RGSL1: variants seen among roughly 807,000 people sequenced by gnomAD.
RGSL1 encodes the protein regulator of G protein signaling protein-like.
Under a neutral mutation model 124.7 loss-of-function variants are expected in RGSL1, and 97 were observed. The ratio of observed to expected loss-of-function variants is 0.78; its 90% CI spans 0.66 to 0.92. RGSL1 has a LOEUF of 0.92. RGSL1 is among the 40% of genes least tolerant of loss of function. The pLI, the probability that RGSL1 is intolerant of heterozygous loss-of-function variation, is 0.00. For synonymous variants in RGSL1, 424 were observed against 438.1 expected (o/e 0.97, Z 0.40); for missense variants, 1,233 against 1,288.4 (o/e 0.96, Z 0.66).
chr1:182,497,851 A>G (rs1219642978), intron 9 of RGSL1, among the ~76,000 whole-genome samples: 3 of 152,134 alleles, frequency 2.0e-5, no homozygotes, highest in African/African-American at 7.2e-5. Flanking sequence ...CACTGCAGCA[A>G]GTGGTGCACG....
intron 9 of RGSL1, among the ~76,000 whole-genome samples, chr1:182,504,200 C>T (rs577110882): frequency 1.1e-4 from 17 of 152,048 alleles, no homozygotes; most frequent in East Asian, 3.9e-4. Flanking sequence ...AGACTGGTCT[C>T]GAACTCCTGA....
chr1:182,466,865 T>G (rs1234290327), intron 4 of RGSL1, among the ~76,000 whole-genome samples: 3 of 152,260 alleles, frequency 2.0e-5, no homozygotes, highest in African/African-American at 7.2e-5. Flanking sequence ...CATAACAATT[T>G]TGAAAAAATT....
chr1:182,505,375 T>C (rs975798125), intron 9 of RGSL1, among the ~76,000 whole-genome samples: 3 of 38,264 alleles, frequency 7.8e-5, no homozygotes. Context: ...GATGTGGAGA[T>C]TGGTGGTGGG....
At chr1:182,472,868 T>C (rs2102036164) in intron 5 of RGSL1, among the ~76,000 whole-genome samples, 2 of 152,312 alleles carry the variant, frequency 1.3e-5, no homozygotes. Flanking sequence ...TGTAATTTTA[T>C]TTTTTTAATT....
intron 4 of RGSL1, chr1:182,460,655 G>A (rs1162125734): frequency 2.2e-6 from 1 of 455,916 alleles, no homozygotes; most frequent in Non-Finnish European, 4.4e-6. Context: ...AAAGTAATTG[G>A]TGGTGGTGCT....
chr1:182,554,829 C>A, intron 20 of RGSL1, 136 bp downstream of exon 20: 1 of 816,100 alleles, frequency 1.2e-6, no homozygotes, highest in Non-Finnish European at 2.0e-6. Context: ...AGAAACTGAG[C>A]TTGCTGCCTC....
At chr1:182,448,601 C>G (rs796067505), upstream of RGSL1, among the ~76,000 whole-genome samples, 1 of 152,078 alleles carries the variant, frequency 6.6e-6, no homozygotes. Flanking sequence ...TGAGCCCCAC[C>G]CCTTCTAAAT....
At chr1:182,480,757 CA>C (rs1211107546) in intron 6 of RGSL1, among the ~76,000 whole-genome samples, 3 of 151,978 alleles carry the variant, frequency 2.0e-5, no homozygotes, top group Non-Finnish European at 4.4e-5. Flanking sequence ...CGCTTGGCCA[CA>C]AGTATTTTTT....
At chr1:182,527,487 C>T in intron 10 of RGSL1, 92 bp from the exon 11 acceptor site, 1 of 1,065,166 alleles carries the variant, frequency 9.4e-7, no homozygotes, top group Non-Finnish European at 1.3e-6. Flanking sequence ...GGCCTTATAG[C>T]CTGGTCAATG....
chr1:182,537,582 C>T (rs1255228514), intron 14 of RGSL1, among the ~76,000 whole-genome samples: 1 of 152,168 alleles, frequency 6.6e-6, no homozygotes, highest in Non-Finnish European at 1.5e-5. Flanking sequence ...TTAAGTTACT[C>T]GAAAACAGTT....
intron 9 of RGSL1, among the ~76,000 whole-genome samples, chr1:182,511,210 G>A (rs548585025): frequency 1.3e-5 from 2 of 152,250 alleles, no homozygotes; most frequent in East Asian, 3.9e-4. Flanking sequence ...TCGTTGCCCA[G>A]GCTGGAGTGC....
chr1:182,493,412 A>C (rs1420215216), intron 9 of RGSL1, among the ~76,000 whole-genome samples: 1 of 152,202 alleles, frequency 6.6e-6, no homozygotes, highest in African/African-American at 2.4e-5. Flanking sequence ...GTTTTAATTA[A>C]TGTGAATTCT....
intron 10 of RGSL1, among the ~76,000 whole-genome samples, chr1:182,526,296 A>G (rs1423047822): frequency 6.6e-6 from 1 of 152,192 alleles, no homozygotes; most frequent in African/African-American, 2.4e-5. Context: ...AAAGAAAACC[A>G]TAGACCAATA....
chr1:182,471,785 C>A (rs929993605), intron 4 of RGSL1, among the ~76,000 whole-genome samples: 1 of 152,120 alleles, frequency 6.6e-6, no homozygotes, highest in Non-Finnish European at 1.5e-5. Context: ...TCTATTGGGT[C>A]CAGTAGTTAC....
At chr1:182,520,042 T>C (rs1028267007) in intron 9 of RGSL1, among the ~76,000 whole-genome samples, 4 of 152,176 alleles carry the variant, frequency 2.6e-5, no homozygotes, top group African/African-American at 9.7e-5. Flanking sequence ...CCCCCCTTGG[T>C]TTTTGGTGAA....
At chr1:182,468,040 G>C (rs1003023494) in intron 4 of RGSL1, among the ~76,000 whole-genome samples, 3 of 152,336 alleles carry the variant, frequency 2.0e-5, no homozygotes, top group African/African-American at 7.2e-5. Flanking sequence ...CTGGCCATCA[G>C]AGAAATGCAA....
At chr1:182,526,501 C>G (rs1243149895) in intron 10 of RGSL1, among the ~76,000 whole-genome samples, 5 of 128,514 alleles carry the variant, frequency 3.9e-5, no homozygotes, top group Non-Finnish European at 5.3e-5. Context: ...AACTCCGTCT[C>G]TAAAAAAAAA....
rs1404598276 is a variant in RGSL1, at chr1:182,508,668, ATTTGT to A, written c.1826-13332_1826-13328del. Among the ~76,000 whole-genome samples, 275 of 134,280 alleles carry A rather than the reference ATTTGT, an allele frequency of 2.0e-3. 1 individual carries two copies. The highest frequency in any genetic ancestry group is 7.9e-3 in the Middle Eastern group (2 of 254). The allele number at this position is 134,280 out of a possible 152,430, so 88.1% of individuals were successfully genotyped here. ...GCATTTTTTCATATACCTATTGACT[ATTTGT>A]TTTTTTTTTTTTTTTTTTTAATTTA... is the stretch of plus-strand genomic sequence containing the variant. On this transcript the variant is annotated intron_variant, in intron 9 of 21. Transcript: ENST00000294854.
intron 9 of RGSL1, among the ~76,000 whole-genome samples, chr1:182,498,379 C>T (rs549668030): frequency 4.2e-4 from 64 of 152,114 alleles, no homozygotes; most frequent in Middle Eastern, 3.4e-3. Context: ...TTTGAAGAGC[C>T]TCATTCCTTT....
Sources: gnomAD v4.1 joint callset for allele counts (sites outside exome capture counted in the v4.1 genomes callset) on GRCh38, gnomAD v4.1.1 for gene constraint, MANE v1.5 for transcripts, NCBI Gene and HGNC (gene_info 2026-07-23, HGNC 2026-07-21) for gene names.